Variants in AHCTF1 observed in about 807,000 individuals in gnomAD.
AHCTF1 encodes protein ELYS.
Under a neutral mutation model 248.4 loss-of-function variants are expected in AHCTF1, and 24 were observed. That is an observed-to-expected ratio of 0.10 (90% CI 0.07 to 0.14). The LOEUF (loss-of-function observed/expected upper bound fraction) is 0.14, where lower values mean the gene tolerates loss of function less well. AHCTF1 is among the 10% of genes least tolerant of loss of function. The probability of loss-of-function intolerance (pLI) is 1.00; values close to 1 mark genes in which losing one functional copy is unlikely to be tolerated. For synonymous variants in AHCTF1, 786 were observed against 929.8 expected (o/e 0.85, Z 2.81); for missense variants, 2,206 against 2,636.2 (o/e 0.84, Z 3.57).
intron 21 of AHCTF1, among the ~76,000 whole-genome samples, chr1:246,884,733 G>T (rs896773656): frequency 6.6e-6 from 1 of 152,172 alleles, no homozygotes; most frequent in Non-Finnish European, 1.5e-5. Flanking sequence ...GCAAAAGGCA[G>T]AAACAAAGGT....
chr1:246,922,721 G>A (rs1330402304), intron 1 of AHCTF1, among the ~76,000 whole-genome samples: 10 of 150,528 alleles, frequency 6.6e-5, no homozygotes, highest in East Asian at 4.1e-4. Context: ...AGTGGCTCAC[G>A]CCTGTAATCC....
At chr1:246,906,205 G>A (rs978471760) in intron 5 of AHCTF1, among the ~76,000 whole-genome samples, 1 of 152,186 alleles carries the variant, frequency 6.6e-6, no homozygotes, top group African/African-American at 2.4e-5. Flanking sequence ...AATTGACCAA[G>A]AGATGATAGT....
chr1:246,876,540 C>CAA (rs1202592241), intron 23 of AHCTF1, among the ~76,000 whole-genome samples: 2 of 152,214 alleles, frequency 1.3e-5, no homozygotes, highest in African/African-American at 4.8e-5. Flanking sequence ...AAGCAAGACT[C>CAA]AGAGTGTGTC....
intron 27 of AHCTF1, 24 bp from the exon 28 acceptor site, chr1:246,862,177 T>A: frequency 1.3e-6 from 2 of 1,588,104 alleles, no homozygotes; most frequent in Non-Finnish European, 1.7e-6. Flanking sequence ...CAAATGGAAT[T>A]ACACCATTAA....
rs752677585 is a variant in AHCTF1 at position 246,885,485 on chromosome 1, G to T, written c.2660+8C>A. On this transcript the variant is annotated splice_region_variant and intron_variant, in intron 21 of 35. Transcript: ENST00000648844. Reference sequence around the variant, plus strand: ...TAAAGACTTTATAGTTTCAAAAGATGTACTTACCTATTAAAAAGCAAAACA... The same window carrying T: ...TAAAGACTTTATAGTTTCAAAAGATTTACTTACCTATTAAAAAGCAAAACA... 39 of 1,584,406 alleles carry T rather than the reference G, an allele frequency of 2.5e-5. No homozygotes were observed. In the South Asian group the frequency reaches 3.8e-4, roughly 16 times the overall value.
chr1:246,903,656 C>A (rs866920702), intron 7 of AHCTF1, among the ~76,000 whole-genome samples: 14 of 115,158 alleles, frequency 1.2e-4, no homozygotes, highest in East Asian at 1.1e-3. Flanking sequence ...GGTGAGACCC[C>A]CCCCCCTCCG....
intron 26 of AHCTF1, among the ~76,000 whole-genome samples, chr1:246,865,928 T>C (rs557150704): frequency 4.6e-4 from 70 of 152,322 alleles, no homozygotes; most frequent in African/African-American, 1.7e-3. Flanking sequence ...AAAATTGATT[T>C]ATGTAACTTT....
chr1:246,910,156 C>T lies in AHCTF1; in HGVS notation c.557-2398G>A, dbSNP rs192744256. Among the ~76,000 whole-genome samples the T allele has an allele frequency of 3.3e-5, 5 of 152,260 alleles. No homozygotes were observed. In the East Asian group the frequency reaches 7.7e-4, roughly 23 times the overall value. ...AGAGCTAATTTAATTTGCAGAAAATCGAAAATGATACCACATGAAAGCACA... is the reference window on the plus strand; with the variant it reads ...AGAGCTAATTTAATTTGCAGAAAATTGAAAATGATACCACATGAAAGCACA... On this transcript the variant is annotated intron_variant, in intron 4 of 35. Transcript: ENST00000648844.
intron 1 of AHCTF1, among the ~76,000 whole-genome samples, chr1:246,923,418 T>C (rs1484971974): frequency 6.6e-6 from 1 of 151,752 alleles, no homozygotes; most frequent in East Asian, 1.9e-4. Flanking sequence ...GTCCCAAAAA[T>C]AAATAAATAA....
Position 246,888,475 on chromosome 1 carries a change from A to G in AHCTF1, c.2187T>C (p.Val729=). ...NPDCLMIDGL[V]SQLGERIEKL... ...TCTCAATTCGCTCTCCTAACTGAGAAACCAGTCCATCAATCATCAAGCAAT... is the reference window on the plus strand; with the variant it reads ...TCTCAATTCGCTCTCCTAACTGAGAGACCAGTCCATCAATCATCAAGCAAT... Residue 729 remains valine (V), a synonymous_variant, in exon 18 of 36, where the codon GTT becomes GTC. Transcript: ENST00000648844. 5 of 1,613,826 alleles carry G rather than the reference A, an allele frequency of 3.1e-6. No homozygotes were observed. Among genetic ancestry groups the G allele is most frequent in the Non-Finnish European group, 4.2e-6 (5 of 1,180,006 alleles).
intron 1 of AHCTF1, among the ~76,000 whole-genome samples, chr1:246,926,025 G>A (rs1666897423): frequency 6.7e-6 from 1 of 149,720 alleles, no homozygotes; most frequent in Admixed American, 6.7e-5. Flanking sequence ...TCTAGCCTAG[G>A]CGACAGTGAG....
At chr1:246,898,479 CAG>C (rs1195950785) in intron 11 of AHCTF1, 143 bp from the exon 12 acceptor site, 2 of 946,620 alleles carry the variant, frequency 2.1e-6, no homozygotes, top group Non-Finnish European at 3.1e-6. Context: ...CTGCAAGAAA[CAG>C]AGTTTATAGG....
chr1:246,861,043 G>T lies in AHCTF1; in HGVS notation c.3988C>A (p.Leu1330Ile), dbSNP rs367758846. Residue 1330 changes from leucine to isoleucine, a missense_variant, in exon 29 of 36, where the codon CTT (leucine) becomes ATT (isoleucine). Leu to Ile is a conservative substitution (Grantham distance 5). Transcript: ENST00000648844. Reference protein sequence around the residue: ...EYQDAPSPEDLEETVFTASKP... With the variant: ...EYQDAPSPEDIEETVFTASKP... Reference sequence around the variant, plus strand: ...GAGGCCGTGAAAACAGTCTCTTCAAGGTCTTCCGGTGACGGTGCATCCTGA... The same window carrying T: ...GAGGCCGTGAAAACAGTCTCTTCAATGTCTTCCGGTGACGGTGCATCCTGA... 9 of 1,613,960 alleles carry T rather than the reference G, an allele frequency of 5.6e-6. No homozygotes were observed. The highest frequency in any genetic ancestry group is 7.6e-6 in the Non-Finnish European group (9 of 1,179,898).
At chr1:246,917,934 C>T (rs1666255998) in intron 2 of AHCTF1, among the ~76,000 whole-genome samples, 1 of 152,050 alleles carries the variant, frequency 6.6e-6, no homozygotes, top group Non-Finnish European at 1.5e-5. Flanking sequence ...AAACTCATCA[C>T]CAATAAAACT....
rs1003872978 is a variant in AHCTF1, at chr1:246,840,271, C to CAAAG, written c.*531_*534dup. 11 of 152,502 alleles carry CAAAG rather than the reference C, an allele frequency of 7.2e-5. No homozygotes were observed. The highest frequency in any genetic ancestry group is 2.7e-4 in the African/African-American group (11 of 41,394). The allele number at this position is 152,502 out of a possible 1,614,324, so 9.4% of individuals were successfully genotyped here. On this transcript the variant is annotated 3_prime_UTR_variant, in exon 36 of 36. Transcript: ENST00000648844. Reference sequence around the variant, plus strand: ...AGATTACACAAAATTTGTGAAACTACAAAGATGGCAAAATGACATGCCCAT... The same window carrying CAAAG: ...AGATTACACAAAATTTGTGAAACTACAAAGAAAGATGGCAAAATGACATGCCCAT...
chr1:246,883,363 C>A (rs1312617605), intron 21 of AHCTF1, among the ~76,000 whole-genome samples: 1 of 152,164 alleles, frequency 6.6e-6, no homozygotes, highest in Non-Finnish European at 1.5e-5. Flanking sequence ...GGTATTTGAA[C>A]AAATTAGGTG....
At chr1:246,857,462 A>G (rs779458999) in intron 30 of AHCTF1, among the ~76,000 whole-genome samples, 1 of 152,228 alleles carries the variant, frequency 6.6e-6, no homozygotes. Flanking sequence ...CAGAATCACC[A>G]GAGTTCTGCC....
chr1:246,851,593 A>ATT (rs1660724993), intron 32 of AHCTF1, 151 bp from the exon 33 acceptor site: 1 of 631,286 alleles, frequency 1.6e-6, no homozygotes, highest in African/African-American at 1.8e-5. Flanking sequence ...ACTTTACAAA[A>ATT]TTATCCCTTT....
intron 31 of AHCTF1, among the ~76,000 whole-genome samples, chr1:246,855,417 A>C (rs548345276): frequency 6.6e-6 from 1 of 152,358 alleles, no homozygotes; most frequent in South Asian, 2.1e-4. Flanking sequence ...CTTGGCCTTA[A>C]GTTATCACAA....
Sources: allele counts gnomAD v4.1 joint callset (sites outside exome capture counted in the v4.1 genomes callset), GRCh38; gene constraint gnomAD v4.1.1; transcripts MANE v1.5; gene names NCBI Gene and HGNC (gene_info 2026-07-23, HGNC 2026-07-21).